The following ZNF57 variants were observed in gnomAD, a reference collection of about 807,000 sequenced individuals.
ZNF57 encodes zinc finger protein 424.
A neutral mutation model predicts 13.4 loss-of-function variants in ZNF57; 11 were observed. The observed-to-expected ratio is 0.82, with a 90% CI of 0.52 to 1.36. The LOEUF (loss-of-function observed/expected upper bound fraction) is 1.36. Among genes scored for constraint, ZNF57 ranks in the 40% most tolerant of loss-of-function variants. The pLI, the probability that ZNF57 is intolerant of heterozygous loss-of-function variation, is 0.00. For synonymous variants in ZNF57, 224 were observed against 238.5 expected, an observed-to-expected ratio of 0.94 and a Z score of 0.56; for missense variants, 696 against 667.5, an observed-to-expected ratio of 1.04 and a Z score of -0.47.
At position 2,917,498 on chromosome 19, in the gene ZNF57, C is replaced by A. The variant is rs1233496456; in HGVS notation, c.877C>A (p.Gln293Lys). ...CTGTGGGAAAGCCTTCACTTACCCCCAGGCTTTTCAAAGACATGAGAAGAC... is the reference window on the plus strand; with the variant it reads ...CTGTGGGAAAGCCTTCACTTACCCCAAGGCTTTTCAAAGACATGAGAAGAC... ...QHCGKAFTYP[Q>K]AFQRHEKTHT... Residue 293 changes from glutamine (Q) to lysine (K), a missense_variant, in exon 4 of 4, where the codon CAG becomes AAG. Physicochemically the swap from Gln to Lys is moderately conservative, Grantham distance 53. This residue lies in a region of ZNF57 where 645 missense variants were observed against 591.5 expected (regional missense o/e 1.09). Transcript: ENST00000306908. 6.2e-7 allele frequency: 1 copy of A among 1,612,932 alleles called. No homozygotes were observed. Among genetic ancestry groups the A allele is most frequent in the Admixed American group, 1.7e-5 (1 of 59,930 alleles).
chr19:2,916,629 T>C (rs765086599), intron 3 of ZNF57: 1 of 253,664 alleles, frequency 3.9e-6, no homozygotes, highest in Non-Finnish European at 7.5e-6. Context: ...GGCAGGAGAA[T>C]GCTGTGAACC....
intron 1 of ZNF57, among the ~76,000 whole-genome samples, chr19:2,905,952 G>A (rs965983960): frequency 6.6e-6 from 1 of 152,140 alleles, no homozygotes; most frequent in Non-Finnish European, 1.5e-5. Flanking sequence ...TGAGAGATCT[G>A]CTGACGTGGT....
chr19:2,905,403 G>T (rs2088063821), intron 1 of ZNF57, among the ~76,000 whole-genome samples: 1 of 13,314 alleles, frequency 7.5e-5, no homozygotes, highest in African/African-American at 2.6e-4. Flanking sequence ...GACTTCAGGT[G>T]ATCGCCCCCC....
At chr19:2,911,549 G>A (rs1411992064) in intron 1 of ZNF57, among the ~76,000 whole-genome samples, 1 of 150,998 alleles carries the variant, frequency 6.6e-6, no homozygotes, top group African/African-American at 2.4e-5. Flanking sequence ...AAAAAAAAAC[G>A]ACAACAAAAA....
chr19:2,907,652 G>A (rs7254653), intron 1 of ZNF57, among the ~76,000 whole-genome samples: 146,249 of 152,244 alleles, frequency 0.96, 70,487 homozygotes, highest in Non-Finnish European at 0.98. Flanking sequence ...CCTGTTCTTC[G>A]GAAAGTTTTG....
At chr19:2,906,229 A>T (rs7507713) in intron 1 of ZNF57, among the ~76,000 whole-genome samples, 121,386 of 151,894 alleles carry the variant, frequency 0.8, 49,358 homozygotes, top group Non-Finnish European at 0.88. Context: ...ATTAAAAAAA[A>T]TTTTTATAGA....
chr19:2,907,174 C>G (rs530008610), intron 1 of ZNF57: 1 of 152,274 alleles, frequency 6.6e-6, no homozygotes, highest in African/African-American at 2.4e-5. Flanking sequence ...GTGAGGAATA[C>G]GTTCTCTCCA....
intron 1 of ZNF57, among the ~76,000 whole-genome samples, chr19:2,910,457 C>CTTTTTTTTT (rs1212426647): frequency 1.4e-3 from 12 of 8,632 alleles, no homozygotes; most frequent in East Asian, 4.0e-3. Flanking sequence ...CTTTTCTTTT[C>CTTTTTTTTT]TTTTTTTTTT....
intron 1 of ZNF57, among the ~76,000 whole-genome samples, chr19:2,914,507 G>A (rs565844053): frequency 2.0e-5 from 3 of 152,218 alleles, no homozygotes; most frequent in East Asian, 3.9e-4. Flanking sequence ...TGCCTGCCTC[G>A]GCCTCCCAAA....
At position 2,904,857 on chromosome 19, in the gene ZNF57, A is replaced by C; in HGVS notation, c.3+3809A>C. The stretch of plus-strand genomic sequence containing the variant: ...CTGCACCTGGCCTCCCTCGTAGCTT[A>C]CTGTCTGTGTGTGGGCATATGTGAG... On this transcript the variant is annotated intron_variant, in intron 1 of 3. Coordinates refer to ENST00000306908, the MANE Select transcript of ZNF57 (RefSeq NM_173480.3). 3.3e-5 allele frequency among the ~76,000 whole-genome samples: 5 copies of C among 152,082 alleles called. 1 individual carries two copies. In the South Asian group the frequency reaches 1.0e-3, roughly 32 times the overall value.
chr19:2,915,490 A>G (rs772819611), intron 1 of ZNF57, 32 bp from the exon 2 acceptor site: 4 of 1,607,280 alleles, frequency 2.5e-6, no homozygotes, highest in Admixed American at 1.7e-5. Context: ...AGTGTCTCCA[A>G]TCCTCCTGCA....
chr19:2,915,312 G>C (rs937824063), intron 1 of ZNF57: 8 of 521,854 alleles, frequency 1.5e-5, no homozygotes, highest in Non-Finnish European at 2.3e-5. Flanking sequence ...AAGAGCAGTC[G>C]CAGTAAAAAG....
chr19:2,911,511 C>T (rs910308156), intron 1 of ZNF57, among the ~76,000 whole-genome samples: 9 of 150,388 alleles, frequency 6.0e-5, no homozygotes, highest in Admixed American at 3.3e-4. Flanking sequence ...CCAGCCTGGG[C>T]GACAGAGGGA....
At chr19:2,915,430 A>G in intron 1 of ZNF57, 92 bp from the exon 2 acceptor site, 1 of 1,536,186 alleles carries the variant, frequency 6.5e-7, no homozygotes, top group Non-Finnish European at 8.8e-7. Flanking sequence ...TTGGGACACC[A>G]CAGAATCTTG....
intron 1 of ZNF57, among the ~76,000 whole-genome samples, chr19:2,905,623 G>A (rs1480456333): frequency 2.6e-5 from 4 of 151,668 alleles, no homozygotes; most frequent in African/African-American, 7.3e-5. Context: ...AAATTAGCCG[G>A]GTGTGGTGGT....
At chr19:2,908,901 T>C (rs2088103317) in intron 1 of ZNF57, among the ~76,000 whole-genome samples, 1 of 43,980 alleles carries the variant, frequency 2.3e-5, no homozygotes, top group Admixed American at 2.4e-4. Context: ...GTATGTTGTT[T>C]CTCTTTTTTT....
intron 1 of ZNF57, among the ~76,000 whole-genome samples, chr19:2,911,036 C>G: frequency 6.6e-6 from 1 of 151,430 alleles, no homozygotes; most frequent in Non-Finnish European, 1.5e-5. Context: ...GTATGCTTCT[C>G]TTTCCTTTTT....
In ZNF57 at chr19:2,909,281, G is replaced by GTTTTTTT. The variant is rs753880478; in HGVS notation, c.4-6230_4-6224dup. ...AATAGATTTTATTTTATTTATTTTT[G>GTTTTTTT]TTTTTTTTTTTTTTTTTGAGACAGA... is the stretch of plus-strand genomic sequence containing the variant. On this transcript the variant is annotated intron_variant, in intron 1 of 3. Transcript: ENST00000306908. Among the ~76,000 whole-genome samples, 37 of 107,170 alleles carry GTTTTTTT rather than the reference G, an allele frequency of 3.5e-4. 1 individual carries two copies. Among genetic ancestry groups the GTTTTTTT allele is most frequent in the East Asian group, 8.9e-4 (3 of 3,388 alleles). The allele number at this position is 107,170 out of a possible 152,430, so 70.3% of individuals were successfully genotyped here. A position where few individuals can be genotyped will look rare whatever the true frequency, so the allele number is the denominator to read the frequency against.
chr19:2,911,161 C>G (rs1030787688), intron 1 of ZNF57, among the ~76,000 whole-genome samples: 2 of 152,106 alleles, frequency 1.3e-5, no homozygotes, highest in African/African-American at 4.8e-5. Context: ...CTCCTGGGCT[C>G]AAGCCATCCT....
Sources: allele counts gnomAD v4.1 joint callset (sites outside exome capture counted in the v4.1 genomes callset), GRCh38; gene constraint gnomAD v4.1.1; regional missense constraint gnomAD v4.1.1; transcripts MANE v1.5; gene names NCBI Gene and HGNC (gene_info 2026-07-23, HGNC 2026-07-21).